BORCS8: variants seen among roughly 807,000 people sequenced by gnomAD.
BORCS8 encodes BLOC-1 related complex subunit 8, also known as BLOC-1-related complex subunit 8.
In BORCS8, 13 loss-of-function variants were observed where a neutral mutation model predicts 18.7. That is an observed-to-expected ratio of 0.70 (90% CI 0.45 to 1.11). BORCS8 has a LOEUF of 1.11. Among genes scored for constraint, BORCS8 ranks in the 50% least tolerant of loss-of-function variants. BORCS8 has a pLI of 0.00. For missense variants in BORCS8, 165 were observed against 165.7 expected (o/e 1.00, Z 0.02); for synonymous variants, 68 against 64.8 (o/e 1.05, Z -0.24).
chr19:19,188,834 T>TC (rs2060437038), intron 1 of BORCS8, among the ~76,000 whole-genome samples: 1 of 147,718 alleles, frequency 6.8e-6, no homozygotes, highest in African/African-American at 2.6e-5. Flanking sequence ...CCTGATGAAA[T>TC]TTTTTTTTTC....
intron 4 of BORCS8, among the ~76,000 whole-genome samples, chr19:19,181,383 CA>C (rs1305505461): frequency 2.0e-5 from 3 of 152,130 alleles, no homozygotes; most frequent in Non-Finnish European, 4.4e-5. Context: ...CAAGGCACTC[CA>C]GAGGCCACGT....
Position 19,177,696 on chromosome 19 carries a change from GAGAAAAGAAAAGAAAAGA to G in BORCS8, c.*43-254_*43-237del, listed in dbSNP as rs1365937944. 10 of 74,676 alleles carry G rather than the reference GAGAAAAGAAAAGAAAAGA, an allele frequency of 1.3e-4. No individual in the cohort carries two copies. The Admixed American group carries it at 1.7e-3, about 13-fold the overall frequency. The allele number at this position is 74,676 out of a possible 1,614,324, so 4.6% of individuals were successfully genotyped here. A position where few individuals can be genotyped will look rare whatever the true frequency, so the allele number is the denominator to read the frequency against. On this transcript the variant is annotated intron_variant, in intron 5 of 5. Transcript: ENST00000462790. ...AGGAAGGAAGGAAGGAAGGAAGGAAGAGAAAAGAAAAGAAAAGAAAAGAAAAGAAAAGAAAAGAAAAGA... is the reference window on the plus strand; with the variant it reads ...AGGAAGGAAGGAAGGAAGGAAGGAAGAAAGAAAAGAAAAGAAAAGAAAAGA...
Position 19,186,950 on chromosome 19 carries a change from G to C in BORCS8, c.93C>G (p.Ala31=). The part of the protein sequence containing the change: ...VYVLANEPSV[A]LYRLQEHVRR... ...GCACATGCTCCTGCAGCCGGTACAG[G>C]GCCACGGATGGCTCGTTGGCCAGGA... The change falls in exon 2 of 6, where the codon GCC becomes GCG. Residue 31 remains alanine (A), a synonymous_variant. Coordinates refer to ENST00000462790, the MANE Select transcript of BORCS8 (RefSeq NM_001145784.2). The C allele has an allele frequency of 6.4e-7, 1 of 1,551,368 alleles. No individual in the cohort carries two copies. The highest frequency in any genetic ancestry group is 8.7e-7 in the Non-Finnish European group (1 of 1,146,914).
At position 19,182,210 on chromosome 19, in the gene BORCS8, G is replaced by A. The variant is rs1200368606; in HGVS notation, c.326+363C>T. On this transcript the variant is annotated intron_variant, in intron 4 of 5. Transcript: ENST00000462790. This position sits in a 1 kb window ranked among gnomAD's most constrained non-coding sequence, Gnocchi z 4.1. ...GTCTGCCCCCGGATCGTCTCTGTCT[G>A]CATGTAACTCATGCCACCTCCTAGG... 8 of 401,644 alleles carry A rather than the reference G, an allele frequency of 2.0e-5. No individual in the cohort carries two copies. Among genetic ancestry groups the A allele is most frequent in the East Asian group, 1.3e-4 (1 of 7,644 alleles). The allele number at this position is 401,644 out of a possible 1,614,324, so 24.9% of individuals were successfully genotyped here.
intron 3 of BORCS8, 103 bp downstream of exon 3, chr19:19,185,930 TG>T: frequency 8.3e-7 from 1 of 1,203,702 alleles, no homozygotes; most frequent in Non-Finnish European, 1.2e-6. Context: ...CGGGTAGGCC[TG>T]GCAGGGTGGG....
At chr19:19,185,697 A>T (rs1438325229) in intron 3 of BORCS8, among the ~76,000 whole-genome samples, 2 of 152,234 alleles carry the variant, frequency 1.3e-5, no homozygotes, top group South Asian at 2.1e-4. Context: ...AAAAAAATTT[A>T]AAAATAAACA....
chr19:19,179,439 A>G lies in BORCS8; in HGVS notation c.*42+1247T>C, dbSNP rs547175590. 4.6e-5 allele frequency: 7 copies of G among 152,782 alleles called. No individual in the cohort carries two copies. In the East Asian group the frequency reaches 1.4e-3, roughly 29 times the overall value. 9.5% of individuals were successfully genotyped at this position (152,782 alleles called of 1,614,324 possible). A position where few individuals can be genotyped will look rare whatever the true frequency, so the allele number is the denominator to read the frequency against. ...TGCCTGTGGTGTCCAGTAAGCGCTC[A>G]CTGATTGACTACAGTGCCCACTAAG... is the stretch of plus-strand genomic sequence containing the variant. On this transcript the variant is annotated intron_variant, in intron 5 of 5. Coordinates refer to ENST00000462790, the MANE Select transcript of BORCS8 (RefSeq NM_001145784.2).
intron 1 of BORCS8, among the ~76,000 whole-genome samples, chr19:19,190,792 T>TAA (rs1025229441): frequency 6.7e-6 from 1 of 148,522 alleles, no homozygotes; most frequent in Non-Finnish European, 1.5e-5. Context: ...CCGTCTCAAA[T>TAA]AAAAAAAAAG....
rs1343647687 is a variant in BORCS8, at chr19:19,182,287, T to C, written c.326+286A>G. On this transcript the variant is annotated intron_variant, in intron 4 of 5. Transcript: ENST00000462790. This position sits in a 1 kb window ranked among gnomAD's most constrained non-coding sequence, Gnocchi z 4.1. ...GCATCTGACATGCTCTTGTCTGCCATGTTTACCTGGTTGTCGTATGTCTCC... is the reference window on the plus strand; with the variant it reads ...GCATCTGACATGCTCTTGTCTGCCACGTTTACCTGGTTGTCGTATGTCTCC... 13 of 660,900 alleles carry C rather than the reference T, an allele frequency of 2.0e-5. No homozygotes were observed. Among genetic ancestry groups the C allele is most frequent in the African/African-American group, 9.3e-5 (5 of 54,052 alleles). The allele number at this position is 660,900 out of a possible 1,614,324, so 40.9% of individuals were successfully genotyped here.
chr19:19,186,141 C>A (rs543113164), intron 2 of BORCS8, 43 bp from the exon 3 acceptor site: 1 of 1,534,972 alleles, frequency 6.5e-7, no homozygotes. Context: ...AGGCCACCCC[C>A]ACCTAGAGGG....
At chr19:19,188,577 C>T (rs1164129406) in intron 1 of BORCS8, among the ~76,000 whole-genome samples, 3 of 152,164 alleles carry the variant, frequency 2.0e-5, no homozygotes, top group Non-Finnish European at 2.9e-5. Context: ...TCAGAGCATG[C>T]CCACAGGACC....
In BORCS8 at chr19:19,177,461, C is replaced by G; in HGVS notation, c.*43-1G>C. ...TAGCCAACATGGTGAAACCCCGTCT[C>G]TACAAAAAATACAAAAAATTAGCTG... On this transcript the variant is annotated splice_acceptor_variant, in intron 5 of 5. Transcript: ENST00000462790. LOFTEE classifies it low-confidence loss of function (3UTR_SPLICE). The G allele has an allele frequency of 6.6e-6, 1 of 152,190 alleles. No individual in the cohort carries two copies. The highest frequency in any genetic ancestry group is 1.9e-4 in the East Asian group (1 of 5,214). The allele number at this position is 152,190 out of a possible 1,614,324, so 9.4% of individuals were successfully genotyped here.
intron 1 of BORCS8, among the ~76,000 whole-genome samples, chr19:19,188,812 C>T (rs891580676): frequency 4.6e-5 from 7 of 152,022 alleles, no homozygotes; most frequent in Admixed American, 6.6e-5. Flanking sequence ...CCCTTCTCCC[C>T]TGCAGGTGTC....
intron 1 of BORCS8, 166 bp from the exon 2 acceptor site, chr19:19,187,171 G>T: frequency 8.5e-6 from 5 of 590,874 alleles, no homozygotes; most frequent in Non-Finnish European, 1.5e-5. Flanking sequence ...TCACAGCAGG[G>T]CTCACTCAAG....
intron 5 of BORCS8, chr19:19,180,363 G>T (rs2060336379): frequency 2.5e-6 from 1 of 396,190 alleles, no homozygotes; most frequent in African/African-American, 2.1e-5. Context: ...GCTGGCACGT[G>T]GTAGGATAGA....
chr19:19,180,618 G>T, intron 5 of BORCS8, 68 bp downstream of exon 5: 1 of 1,110,172 alleles, frequency 9.0e-7, no homozygotes, highest in Non-Finnish European at 1.3e-6. Context: ...TGCCTGCCTG[G>T]CTGCCAAGCG....
intron 2 of BORCS8, among the ~76,000 whole-genome samples, chr19:19,186,371 C>T (rs2060409021): frequency 1.3e-5 from 2 of 152,202 alleles, no homozygotes; most frequent in African/African-American, 2.4e-5. Flanking sequence ...ATAACTGTAA[C>T]AGAATAGTAT....
intron 3 of BORCS8, among the ~76,000 whole-genome samples, chr19:19,185,158 G>A (rs1299832367): frequency 4.6e-5 from 7 of 152,382 alleles, no homozygotes; most frequent in Non-Finnish European, 1.0e-4. Context: ...AGGATTTCTT[G>A]TCTAGGCACC....
At chr19:19,184,288 GT>G (rs1222591686) in intron 3 of BORCS8, among the ~76,000 whole-genome samples, 2,663 of 140,644 alleles carry the variant, frequency 0.019, 73 homozygotes, top group African/African-American at 0.063. Flanking sequence ...TTTTTTGTTG[GT>G]TTTTTTTTTT....
Sources: gnomAD v4.1 joint callset for allele counts (sites outside exome capture counted in the v4.1 genomes callset) on GRCh38, gnomAD v4.1.1 for gene constraint, Gnocchi (gnomAD v3.1) non-coding constraint, MANE v1.5 for transcripts, NCBI Gene and HGNC (gene_info 2026-07-23, HGNC 2026-07-21) for gene names.